The following ATL3 variants were observed in gnomAD, a reference collection of about 807,000 sequenced individuals.
ATL3 encodes atlastin GTPase 3.
In ATL3, 49 loss-of-function variants were observed where a neutral mutation model predicts 69.5. The observed-to-expected ratio is 0.71, with a 90% CI of 0.56 to 0.89. The LOEUF (loss-of-function observed/expected upper bound fraction) is 0.89. Among genes scored for constraint, ATL3 ranks in the 40% least tolerant of loss-of-function variants. ATL3 has a pLI of 0.00. For missense variants in ATL3, 606 were observed against 645.7 expected (o/e 0.94, Z 0.67); for synonymous variants, 214 against 224.1 (o/e 0.95, Z 0.40).
chr11:63,659,144 T>G lies in ATL3; in HGVS notation c.155A>C (p.Gln52Pro), dbSNP rs746460770. The change falls in exon 2 of 13, where the codon CAG becomes CCG. Residue 52 changes from glutamine (Q) to proline (P), a missense_variant. Transcript: ENST00000398868. ...CACATCAAGATCTCGGATGTGGTCC[T>G]GCAAGAGGATGCTGGCCAAGGCTTT... ...DEKALASILL[Q>P]DHIRDLDVVV... 6.2e-7 allele frequency: 1 copy of G among 1,614,044 alleles called. No individual in the cohort carries two copies. The highest frequency in any genetic ancestry group is 1.3e-5 in the African/African-American group (1 of 74,912).
At chr11:63,645,944 T>A (rs770810681) in intron 6 of ATL3, among the ~76,000 whole-genome samples, 17 of 152,012 alleles carry the variant, frequency 1.1e-4, no homozygotes, top group Non-Finnish European at 1.5e-4. Context: ...ATTTTTGTAT[T>A]TTTAGTAGAG....
intron 8 of ATL3, among the ~76,000 whole-genome samples, 197 bp downstream of exon 8, chr11:63,643,160 T>C (rs1742575240): frequency 6.6e-6 from 1 of 152,188 alleles, no homozygotes; most frequent in African/African-American, 2.4e-5. Flanking sequence ...AACACCACCA[T>C]TTCAGGTGGA....
chr11:63,645,047 C>G (rs984828903), intron 6 of ATL3, among the ~76,000 whole-genome samples: 5 of 152,190 alleles, frequency 3.3e-5, no homozygotes, highest in African/African-American at 1.2e-4. Flanking sequence ...CGCCACTGCA[C>G]TCCAGCCTGG....
intron 3 of ATL3, 48 bp downstream of exon 3, chr11:63,658,713 T>C (rs1940332185): frequency 7.7e-6 from 12 of 1,550,270 alleles, no homozygotes; most frequent in Non-Finnish European, 1.0e-5. Context: ...CTGAAGTTCA[T>C]ATTTTGTTGT....
At chr11:63,662,226 A>AG (rs1407155376) in intron 1 of ATL3, among the ~76,000 whole-genome samples, 35 of 151,736 alleles carry the variant, frequency 2.3e-4, no homozygotes, top group African/African-American at 7.5e-4. Flanking sequence ...AAAAAAAAAA[A>AG]AAAGAAAGAA....
intron 1 of ATL3, among the ~76,000 whole-genome samples, chr11:63,659,764 A>AT (rs1401078001): frequency 7.2e-5 from 11 of 151,864 alleles, no homozygotes; most frequent in Non-Finnish European, 1.2e-4. Context: ...ACGAAACCCC[A>AT]TCTCTACCAA....
chr11:63,651,546 T>C (rs1940081116), intron 5 of ATL3, among the ~76,000 whole-genome samples: 1 of 152,158 alleles, frequency 6.6e-6, no homozygotes, highest in Non-Finnish European at 1.5e-5. Context: ...GGGACCTCAC[T>C]GCCTCTCTGA....
chr11:63,651,992 A>T lies in ATL3; in HGVS notation c.511-6T>A. On this transcript the variant is annotated splice_polypyrimidine_tract_variant and splice_region_variant and intron_variant, in intron 4 of 12. Coordinates refer to ENST00000398868, the MANE Select transcript of ATL3 (RefSeq NM_015459.5). ...TTCTGAGATAAATTATAAATCTAGAAAACAAAAATCCAGATTGATACTACT... is the reference window on the plus strand; with the variant it reads ...TTCTGAGATAAATTATAAATCTAGATAACAAAAATCCAGATTGATACTACT... 6.2e-7 allele frequency: 1 copy of T among 1,602,680 alleles called. No homozygotes were observed. The highest frequency in any genetic ancestry group is 8.5e-7 in the Non-Finnish European group (1 of 1,176,638).
At chr11:63,671,628 C>G, upstream of ATL3, 2 of 1,422,500 alleles carry the variant, frequency 1.4e-6, no homozygotes, top group East Asian at 3.2e-5. Context: ...AAGCGAGCCG[C>G]CGGGTACCTG....
At position 63,631,340 on chromosome 11, in the gene ATL3, G is replaced by GT. The variant is rs765984279; in HGVS notation, c.1238dup (p.Tyr413Ter). 5.0e-6 allele frequency: 8 copies of GT among 1,614,050 alleles called. No homozygotes were observed. The highest frequency in any genetic ancestry group is 6.8e-6 in the Non-Finnish European group (8 of 1,180,048). ...KMGGKDFSFR[Y>*]QQELEEEIKE... is the part of the protein sequence containing the mutation. Reference sequence around the variant, plus strand: ...TGATTTCCTCCTCCAGCTCCTGCTGGTAACGAAAGCTGAAATCCTTCCCAC... The same window carrying GT: ...TGATTTCCTCCTCCAGCTCCTGCTGGTTAACGAAAGCTGAAATCCTTCCCAC... The change falls in exon 12 of 13, where the codon TAC (tyrosine) becomes TAAC (stop). Residue 413 changes from tyrosine (Y) to a stop codon, truncating the protein, a stop_gained and frameshift_variant. Coordinates refer to ENST00000398868, the MANE Select transcript of ATL3 (RefSeq NM_015459.5). LOFTEE classifies it high-confidence loss of function.
At chr11:63,668,242 G>A (rs1014259111) in intron 1 of ATL3, among the ~76,000 whole-genome samples, 5 of 152,174 alleles carry the variant, frequency 3.3e-5, no homozygotes, top group Non-Finnish European at 5.9e-5. Context: ...CCTTGTTCTT[G>A]CTGGCAGTCT....
At chr11:63,664,900 C>T (rs1437241555) in intron 1 of ATL3, among the ~76,000 whole-genome samples, 3 of 152,196 alleles carry the variant, frequency 2.0e-5, no homozygotes, top group East Asian at 3.9e-4. Context: ...GCCACCGCAC[C>T]CGGCCAATAA....
intron 1 of ATL3, among the ~76,000 whole-genome samples, chr11:63,660,454 T>C (rs1940386574): frequency 6.6e-6 from 1 of 152,170 alleles, no homozygotes; most frequent in African/African-American, 2.4e-5. Context: ...CAACCGCAAT[T>C]CTCACACATT....
intron 3 of ATL3, among the ~76,000 whole-genome samples, chr11:63,656,551 T>C (rs925635144): frequency 4.0e-5 from 6 of 151,278 alleles, no homozygotes; most frequent in South Asian, 4.2e-4. Flanking sequence ...CTGACCAATA[T>C]GGCGAAACCC....
intron 8 of ATL3, 102 bp from the exon 9 acceptor site, chr11:63,636,436 G>T: frequency 2.0e-6 from 3 of 1,486,466 alleles, no homozygotes; most frequent in Non-Finnish European, 1.8e-6. Context: ...TTTTAACATT[G>T]GTTGTTAAAA....
chr11:63,631,912 G>T (rs1483715010), intron 11 of ATL3, among the ~76,000 whole-genome samples: 3 of 152,154 alleles, frequency 2.0e-5, no homozygotes, highest in African/African-American at 4.8e-5. Flanking sequence ...AACCCGGGAG[G>T]CGGAGGTTGC....
intron 3 of ATL3, among the ~76,000 whole-genome samples, chr11:63,658,369 C>A (rs1343628237): frequency 6.6e-6 from 1 of 152,190 alleles, no homozygotes; most frequent in Non-Finnish European, 1.5e-5. Flanking sequence ...TTAACAGAGT[C>A]AGCAACAGAT....
chr11:63,648,060 C>A (rs1939943144), intron 5 of ATL3, among the ~76,000 whole-genome samples: 1 of 152,124 alleles, frequency 6.6e-6, no homozygotes, highest in South Asian at 2.1e-4. Context: ...TCCAGGCACC[C>A]CTCTCTAACT....
chr11:63,650,568 T>C (rs1210579365), intron 5 of ATL3: 1 of 152,198 alleles, frequency 6.6e-6, no homozygotes, highest in East Asian at 1.9e-4. Context: ...AGTTGCTGAG[T>C]CTACCAACAG....
Sources: allele counts gnomAD v4.1 joint callset (sites outside exome capture counted in the v4.1 genomes callset), GRCh38; gene constraint gnomAD v4.1.1; transcripts MANE v1.5; gene names NCBI Gene and HGNC (gene_info 2026-07-23, HGNC 2026-07-21).